Variants in RFX3 observed in about 807,000 individuals in gnomAD.
The protein encoded by RFX3 is transcription factor RFX3.
Under a neutral mutation model 98.6 loss-of-function variants are expected in RFX3, and 14 were observed. That is an observed-to-expected ratio of 0.14 (90% CI 0.09 to 0.22). RFX3 has a LOEUF of 0.22. Among genes scored for constraint, RFX3 ranks in the 10% least tolerant of loss-of-function variants. RFX3 has a pLI of 1.00. For missense variants in RFX3, 639 were observed against 926.9 expected (o/e 0.69, Z 4.03); for synonymous variants, 383 against 328.4 (o/e 1.17, Z -1.80).
intron 4 of RFX3, among the ~76,000 whole-genome samples, chr9:3,319,574 A>G (rs1831019191): frequency 6.6e-6 from 1 of 152,220 alleles, no homozygotes; most frequent in African/African-American, 2.4e-5. Context: ...CAATATTATC[A>G]GAAGGTAAGC....
chr9:3,258,303 T>C (rs1265227591), intron 13 of RFX3, among the ~76,000 whole-genome samples: 2 of 152,138 alleles, frequency 1.3e-5, no homozygotes, highest in African/African-American at 4.8e-5. Context: ...TGTATTTTTC[T>C]CAAAAGAGTG....
chr9:3,430,578 AT>A (rs778329617), intron 1 of RFX3, among the ~76,000 whole-genome samples: 1 of 152,160 alleles, frequency 6.6e-6, no homozygotes, highest in Non-Finnish European at 1.5e-5. Flanking sequence ...TGACACCAAT[AT>A]TTTTAATTTC....
chr9:3,364,761 C>G (rs1836849679), intron 2 of RFX3: 1 of 152,642 alleles, frequency 6.6e-6, no homozygotes, highest in South Asian at 2.1e-4. Context: ...CCTTCTTAAG[C>G]TTAACCAACG....
chr9:3,362,820 A>G, intron 2 of RFX3, among the ~76,000 whole-genome samples: 1 of 152,226 alleles, frequency 6.6e-6, no homozygotes, highest in Non-Finnish European at 1.5e-5. Context: ...ATAGACTGGC[A>G]TCAAAGAGCA....
At chr9:3,437,193 G>A (rs114415363) in intron 1 of RFX3, among the ~76,000 whole-genome samples, 307 of 152,134 alleles carry the variant, frequency 2.0e-3, no homozygotes, top group African/African-American at 6.9e-3. Flanking sequence ...AAGGGCTCCT[G>A]CTTGCAGAAT....
At chr9:3,230,355 A>AT (rs1204620141) in intron 15 of RFX3, among the ~76,000 whole-genome samples, 3 of 152,110 alleles carry the variant, frequency 2.0e-5, no homozygotes, top group Non-Finnish European at 4.4e-5. Flanking sequence ...TTTTAGAGCT[A>AT]TTTTTTAGAG....
rs1202028884 is a variant in RFX3, at chr9:3,329,407, C to CAAAAAAAAAAAAAAAA, written c.474+836_474+851dup. Among the ~76,000 whole-genome samples, 53 of 38,126 alleles carry CAAAAAAAAAAAAAAAA rather than the reference C, an allele frequency of 1.4e-3. 1 individual carries two copies. The highest frequency in any genetic ancestry group is 1.7e-3 in the Non-Finnish European group (36 of 21,188). The allele number at this position is 38,126 out of a possible 152,430, so 25.0% of individuals were successfully genotyped here. ...TGGGCCACAGAGTAAGACTTCATCTCAAAAAAAAAAAAAAAAAAAAACAAA... is the reference window on the plus strand; with the variant it reads ...TGGGCCACAGAGTAAGACTTCATCTCAAAAAAAAAAAAAAAAAAAAAAAAAAAAAAAAAAAAACAAA... On this transcript the variant is annotated intron_variant, in intron 4 of 16. Transcript: ENST00000617270.
At chr9:3,261,899 A>G (rs566690273) in intron 13 of RFX3, among the ~76,000 whole-genome samples, 1 of 152,266 alleles carries the variant, frequency 6.6e-6, no homozygotes, top group East Asian at 1.9e-4. Flanking sequence ...CCTGGTGGCT[A>G]ATGACATTAA....
At chr9:3,414,579 G>A (rs1842736840) in intron 1 of RFX3, among the ~76,000 whole-genome samples, 1 of 148,190 alleles carries the variant, frequency 6.7e-6, no homozygotes, top group South Asian at 2.1e-4. Context: ...GGTATCTACT[G>A]CAATGTGGTA....
chr9:3,372,373 C>T (rs1267520950), intron 2 of RFX3, among the ~76,000 whole-genome samples: 1 of 152,024 alleles, frequency 6.6e-6, no homozygotes, highest in African/African-American at 2.4e-5. Flanking sequence ...GGATAAAGCC[C>T]CTTTCTGTCT....
intron 4 of RFX3, among the ~76,000 whole-genome samples, chr9:3,306,612 A>C (rs1355512168): frequency 2.1e-5 from 1 of 48,618 alleles, no homozygotes; most frequent in Non-Finnish European, 4.3e-5. Context: ...GGGTGGGGGG[A>C]GGGGGGAGGG....
intron 15 of RFX3, among the ~76,000 whole-genome samples, chr9:3,235,954 C>T (rs1014427382): frequency 6.6e-6 from 1 of 152,154 alleles, no homozygotes; most frequent in Non-Finnish European, 1.5e-5. Context: ...GCTTATCACA[C>T]ATACATAAGT....
chr9:3,487,293 A>C (rs1452940439), intron 1 of RFX3, among the ~76,000 whole-genome samples: 1 of 152,220 alleles, frequency 6.6e-6, no homozygotes, highest in Non-Finnish European at 1.5e-5. Flanking sequence ...GAGGATATTT[A>C]CTAATGTCAT....
chr9:3,312,513 C>A lies in RFX3; in HGVS notation c.475-10893G>T, dbSNP rs557511861. ...ATATGCAAATACATTACTTCCACAG[C>A]AATGTCAAGAAGTAGCTTAACTGAG... On this transcript the variant is annotated intron_variant, in intron 4 of 16. Transcript: ENST00000617270. 1.1e-4 allele frequency among the ~76,000 whole-genome samples: 16 copies of A among 151,666 alleles called. No homozygotes were observed. In the East Asian group the frequency reaches 3.1e-3, roughly 29 times the overall value.
intron 4 of RFX3, among the ~76,000 whole-genome samples, chr9:3,311,157 T>G (rs983907788): frequency 1.3e-5 from 2 of 152,254 alleles, no homozygotes; most frequent in East Asian, 3.8e-4. Flanking sequence ...CTGTGAAAAC[T>G]GTAAATTTTT....
chr9:3,283,035 G>T (rs1250884823), intron 7 of RFX3, among the ~76,000 whole-genome samples: 1 of 151,688 alleles, frequency 6.6e-6, no homozygotes, highest in African/African-American at 2.4e-5. Context: ...CTATAGTTTG[G>T]TAGTTATTGA....
At chr9:3,383,635 G>C (rs1407183763) in intron 2 of RFX3, among the ~76,000 whole-genome samples, 1 of 152,084 alleles carries the variant, frequency 6.6e-6, no homozygotes, top group South Asian at 2.1e-4. Flanking sequence ...AGGACAAAGA[G>C]AGTGGCTCCA....
chr9:3,400,065 T>C (rs903632604), intron 1 of RFX3: 2 of 161,968 alleles, frequency 1.2e-5, no homozygotes, highest in African/African-American at 4.8e-5. Context: ...TAGAAATGTA[T>C]CACTAGATTA....
chr9:3,423,020 C>T (rs1025064321), intron 1 of RFX3, among the ~76,000 whole-genome samples: 1 of 152,076 alleles, frequency 6.6e-6, no homozygotes. Context: ...AAGTTATTTC[C>T]TTATTGTAGA....
Sources: allele counts gnomAD v4.1 joint callset (sites outside exome capture counted in the v4.1 genomes callset), GRCh38; gene constraint gnomAD v4.1.1; transcripts MANE v1.5; gene names NCBI Gene and HGNC (gene_info 2026-07-23, HGNC 2026-07-21).